Variants in SS18 observed in about 807,000 individuals in gnomAD.
SS18 encodes the protein protein SSXT.
A neutral mutation model predicts 72.5 loss-of-function variants in SS18; 28 were observed. The ratio of observed to expected loss-of-function variants is 0.39; its 90% confidence interval spans 0.29 to 0.53. The LOEUF (loss-of-function observed/expected upper bound fraction) is 0.53, where lower values mean the gene tolerates loss of function less well. Among genes scored for constraint, SS18 ranks in the 20% least tolerant of loss-of-function variants. SS18 has a pLI of 0.76. For synonymous variants in SS18, 172 were observed against 164.2 expected (o/e 1.05, Z -0.37); for missense variants, 518 against 535.3 (o/e 0.97, Z 0.32).
chr18:26,027,819 T>C (rs921119683), intron 10 of SS18, among the ~76,000 whole-genome samples: 4 of 151,184 alleles, frequency 2.6e-5, no homozygotes, highest in African/African-American at 7.3e-5. Flanking sequence ...AAATGAATCA[T>C]AGACTTAAAT....
At chr18:26,052,556 C>A (rs1419880237) in intron 5 of SS18, 68 bp downstream of exon 5, 2 of 1,293,206 alleles carry the variant, frequency 1.5e-6, no homozygotes, top group African/African-American at 2.9e-5. Flanking sequence ...AAGAACCTGA[C>A]AACAATCATT....
chr18:26,045,750 A>T (rs867416463), intron 5 of SS18, among the ~76,000 whole-genome samples: 1 of 152,164 alleles, frequency 6.6e-6, no homozygotes, highest in South Asian at 2.1e-4. Context: ...CGATCTTAAT[A>T]ATCAGTAGGG....
At chr18:26,062,236 G>C (rs1490303859) in intron 3 of SS18, among the ~76,000 whole-genome samples, 1 of 152,004 alleles carries the variant, frequency 6.6e-6, no homozygotes, top group Non-Finnish European at 1.5e-5. Flanking sequence ...ACTCCACCCT[G>C]GGCAACAGAG....
At chr18:26,019,437 C>A (rs1414769002) in intron 10 of SS18, among the ~76,000 whole-genome samples, 2 of 152,086 alleles carry the variant, frequency 1.3e-5, no homozygotes, top group East Asian at 3.9e-4. Context: ...TAAAAATCTA[C>A]ATTTCCACAG....
rs117429130 is a variant in SS18 at position 26,020,947 on chromosome 18, T to C, written c.1231-2567A>G. 6.0e-3 allele frequency among the ~76,000 whole-genome samples: 914 copies of C among 152,340 alleles called. 2 individuals carry two copies. Among genetic ancestry groups the C allele is most frequent in the Non-Finnish European group, 8.6e-3 (588 of 68,036 alleles). On this transcript the variant is annotated intron_variant, in intron 10 of 10. Coordinates refer to ENST00000415083, the MANE Select transcript of SS18 (RefSeq NM_001007559.3). ...AGGAGTAGAAGCTAATAATATACCC[T>C]GATAATAATACCTCAGTTTGTGTCA...
intron 2 of SS18, among the ~76,000 whole-genome samples, chr18:26,081,728 GA>G (rs890783700): frequency 6.6e-6 from 1 of 151,968 alleles, no homozygotes; most frequent in Non-Finnish European, 1.5e-5. Flanking sequence ...GTTTCTCACT[GA>G]AACAGTTTAC....
At chr18:26,044,500 T>C (rs2143923542) in intron 5 of SS18, among the ~76,000 whole-genome samples, 1 of 151,650 alleles carries the variant, frequency 6.6e-6, no homozygotes, top group East Asian at 1.9e-4. Flanking sequence ...ATTTTTGTAT[T>C]TTTAGTAGAG....
Position 26,057,695 on chromosome 18 carries a change from G to A in SS18, c.279C>T (p.Ser93=), listed in dbSNP as rs186029814. The part of the protein sequence containing the change: ...MPMGPGGMNQ[S]GPPPPPRSHN... ...GAGAGCGTGGAGGTGGGGGAGGGCC[G>A]CTCTGATTCATCCCTCCAGGACCCA... The change falls in exon 4 of 11, where the codon AGC becomes AGT. Residue 93 remains serine (S), a synonymous_variant. Transcript: ENST00000415083. The A allele has an allele frequency of 2.3e-5, 37 of 1,614,052 alleles. No homozygotes were observed. Among genetic ancestry groups the A allele is most frequent in the East Asian group, 6.7e-5 (3 of 44,874 alleles).
intron 5 of SS18, 97 bp downstream of exon 5, chr18:26,052,527 T>C (rs901327942): frequency 1.0e-6 from 1 of 1,001,734 alleles, no homozygotes; most frequent in African/African-American, 1.6e-5. Flanking sequence ...CTTTAAACTT[T>C]TATTTTTATG....
At chr18:26,057,785 A>G in intron 3 of SS18, 43 bp from the exon 4 acceptor site, 10 of 1,543,608 alleles carry the variant, frequency 6.5e-6, no homozygotes, top group Non-Finnish European at 8.8e-6. Flanking sequence ...ACAGACTAAT[A>G]TACGAAAGAT....
At chr18:26,023,114 C>T (rs991536194) in intron 10 of SS18, among the ~76,000 whole-genome samples, 1 of 152,036 alleles carries the variant, frequency 6.6e-6, no homozygotes. Flanking sequence ...TCTTCATCAC[C>T]CAACATAAAA....
At chr18:26,033,367 A>C (rs1012795229) in intron 9 of SS18, among the ~76,000 whole-genome samples, 1 of 152,142 alleles carries the variant, frequency 6.6e-6, no homozygotes, top group Admixed American at 6.5e-5. Flanking sequence ...TACAAAAATT[A>C]GCCGGGTATG....
At position 26,018,346 on chromosome 18, in the gene SS18, G is replaced by A; in HGVS notation, c.*8C>T. ...ATAGATACTGGCTACTGGAATGTAA[G>A]TACTTTTTCACTGCTGGTAATTTCC... is the stretch of plus-strand genomic sequence containing the variant. On this transcript the variant is annotated 3_prime_UTR_variant, in exon 11 of 11. Coordinates refer to ENST00000415083, the MANE Select transcript of SS18 (RefSeq NM_001007559.3). 1 of 1,599,404 alleles carries A rather than the reference G, an allele frequency of 6.3e-7. No individual in the cohort carries two copies. Among genetic ancestry groups the A allele is most frequent in the Middle Eastern group, 1.7e-4 (1 of 6,004 alleles).
chr18:26,062,213 A>T (rs2054135893), intron 3 of SS18, among the ~76,000 whole-genome samples: 2 of 152,188 alleles, frequency 1.3e-5, no homozygotes, highest in South Asian at 2.1e-4. Context: ...GTGAGCTAAG[A>T]TCACACCACT....
At chr18:26,090,410 C>T in intron 1 of SS18, 91 bp downstream of exon 1, 1 of 1,343,312 alleles carries the variant, frequency 7.4e-7, no homozygotes, top group Non-Finnish European at 1.0e-6. Context: ...TCCGCCTCGG[C>T]CCGGTCGACT....
intron 5 of SS18, among the ~76,000 whole-genome samples, chr18:26,048,149 T>C (rs771003911): frequency 2.0e-5 from 3 of 152,258 alleles, no homozygotes; most frequent in Non-Finnish European, 4.4e-5. Flanking sequence ...GCATTTTATA[T>C]GCTGTAGGAA....
In SS18 at chr18:26,027,671, T is replaced by TAAAAA. The variant is rs68048813; in HGVS notation, c.1230+4723_1230+4727dup. ...TGGTGGTGACAGAGCGAGACTCATC[T>TAAAAA]AAAAAAAAAAAAAAAAAAAAAAAAA... On this transcript the variant is annotated intron_variant, in intron 10 of 10. Coordinates refer to ENST00000415083, the MANE Select transcript of SS18 (RefSeq NM_001007559.3). Among the ~76,000 whole-genome samples, 5 of 27,302 alleles carry TAAAAA rather than the reference T, an allele frequency of 1.8e-4. 1 individual carries two copies. Among genetic ancestry groups the TAAAAA allele is most frequent in the Non-Finnish European group, 3.9e-4 (5 of 12,720 alleles). The allele number at this position is 27,302 out of a possible 152,430, so 17.9% of individuals were successfully genotyped here.
At chr18:26,069,521 A>AG (rs1303442658) in intron 3 of SS18, among the ~76,000 whole-genome samples, 1 of 150,526 alleles carries the variant, frequency 6.6e-6, no homozygotes, top group Non-Finnish European at 1.5e-5. Context: ...AAAAAAAAAA[A>AG]AAAAAGAAAA....
chr18:26,024,846 C>A (rs540633980), intron 10 of SS18, among the ~76,000 whole-genome samples: 3 of 151,928 alleles, frequency 2.0e-5, no homozygotes, highest in Non-Finnish European at 4.4e-5. Flanking sequence ...TCAAAAACCC[C>A]AATTTAAAGG....
Sources: allele counts gnomAD v4.1 joint callset (sites outside exome capture counted in the v4.1 genomes callset), GRCh38; gene constraint gnomAD v4.1.1; transcripts MANE v1.5; gene names NCBI Gene and HGNC (gene_info 2026-07-23, HGNC 2026-07-21).